Variants in DISP3 observed in about 807,000 individuals in gnomAD.
DISP3 encodes the protein dispatched RND transporter family member 3, also known as protein dispatched homolog 3.
Under a neutral mutation model 135.3 loss-of-function variants are expected in DISP3, and 101 were observed. That is an observed-to-expected ratio of 0.75 (90% CI 0.64 to 0.88). DISP3 has a LOEUF of 0.88. Ranked by LOEUF, DISP3 falls within the 40% of genes least tolerant of loss-of-function variation. The pLI is 0.00. For missense variants in DISP3, 1,713 were observed against 1,878.6 expected, an observed-to-expected ratio of 0.91 and a Z score of 1.63; for synonymous variants, 856 against 817.0, an observed-to-expected ratio of 1.05 and a Z score of -0.81.
At position 11,517,480 on chromosome 1, in the gene DISP3, C is replaced by T. The variant is rs1454216714; in HGVS notation, c.1767C>T (p.Asp589=). The stretch of plus-strand genomic sequence containing the variant: ...ATCACCAGATCCCAGCCGTCCACGA[C>T]TTTGGCCTGTTCATGTCTCTCATCG... ...NVFSQIPAVH[D]FGLFMSLIVS... is the part of the protein sequence containing the mutation. Residue 589 remains aspartate, a synonymous_variant, in exon 7 of 21, where the codon GAC becomes GAT. Coordinates refer to ENST00000294484, the MANE Select transcript of DISP3 (RefSeq NM_020780.2). 2 of 1,614,238 alleles carry T rather than the reference C, an allele frequency of 1.2e-6. No homozygotes were observed. Among genetic ancestry groups the T allele is most frequent in the South Asian group, 2.2e-5 (2 of 91,078 alleles).
intron 4 of DISP3, 100 bp downstream of exon 4, chr1:11,514,626 G>C (rs929881601): frequency 3.5e-6 from 5 of 1,415,710 alleles, no homozygotes; most frequent in Non-Finnish European, 3.9e-6. Context: ...CTTGAGCCCA[G>C]CATGTCAGAG....
intron 1 of DISP3, among the ~76,000 whole-genome samples, chr1:11,488,060 G>T (rs1226174469): frequency 2.6e-5 from 4 of 152,170 alleles, no homozygotes; most frequent in Non-Finnish European, 4.4e-5. Context: ...CAGGGTGGGG[G>T]TGTGAGGGAA....
chr1:11,527,686 T>C (rs2100504772), intron 13 of DISP3, among the ~76,000 whole-genome samples: 1 of 152,252 alleles, frequency 6.6e-6, no homozygotes, highest in Non-Finnish European at 1.5e-5. Flanking sequence ...TGATAGCTCC[T>C]CAGGGGTTGC....
chr1:11,505,042 C>T (rs1007031358), intron 3 of DISP3, among the ~76,000 whole-genome samples: 4 of 152,202 alleles, frequency 2.6e-5, no homozygotes, highest in African/African-American at 7.2e-5. Flanking sequence ...ACAGTTTTAT[C>T]ACAGTGCTTC....
chr1:11,520,358 A>G lies in DISP3; in HGVS notation c.2201-329A>G, dbSNP rs113341030. ...TGCTATTATCATTGTCATCTTCGAC[A>G]CTATTTCAGAGTTGTGTGAGATCAA... On this transcript the variant is annotated intron_variant, in intron 9 of 20. Coordinates refer to ENST00000294484, the MANE Select transcript of DISP3 (RefSeq NM_020780.2). The surrounding 1 kb of genome is among the most constrained non-coding windows in gnomAD (Gnocchi z 4.8). 4.6e-4 allele frequency among the ~76,000 whole-genome samples: 70 copies of G among 152,310 alleles called. No homozygotes were observed. Among genetic ancestry groups the G allele is most frequent in the African/African-American group, 1.6e-3 (66 of 41,556 alleles).
intron 1 of DISP3, among the ~76,000 whole-genome samples, chr1:11,497,780 C>T (rs1385449196): frequency 1.3e-5 from 2 of 152,182 alleles, no homozygotes; most frequent in Admixed American, 1.3e-4. Flanking sequence ...TTCTGAGTTA[C>T]TTCACTCAGA....
At chr1:11,530,022 C>T in intron 15 of DISP3, 63 bp downstream of exon 15, 3 of 1,575,342 alleles carry the variant, frequency 1.9e-6, no homozygotes, top group South Asian at 2.3e-5. Flanking sequence ...CAAATAAGCA[C>T]CTGTCCAGGG....
intron 1 of DISP3, among the ~76,000 whole-genome samples, chr1:11,495,639 T>C (rs1641311054): frequency 6.6e-6 from 1 of 152,184 alleles, no homozygotes; most frequent in African/African-American, 2.4e-5. Flanking sequence ...AATGAAGGCA[T>C]TGGACAAGGT....
At chr1:11,515,696 G>T (rs2745263) in intron 5 of DISP3, among the ~76,000 whole-genome samples, 193 bp downstream of exon 5, 9 of 152,184 alleles carry the variant, frequency 5.9e-5, no homozygotes, top group African/African-American at 2.2e-4. Flanking sequence ...GGAGAGAGCA[G>T]GAAGGTTTGC....
In DISP3 at chr1:11,519,558, C is replaced by T; in HGVS notation, c.2038+55C>T. The stretch of plus-strand genomic sequence containing the variant: ...ACCCCAGTGAGACCCAGCGCTGCCT[C>T]TGCCAGGGGAGTAACACTTGACAAG... On this transcript the variant is annotated intron_variant, in intron 8 of 20. Transcript: ENST00000294484. The surrounding 1 kb of genome is among the most constrained non-coding windows in gnomAD (Gnocchi z 4.3). 2.5e-6 allele frequency: 4 copies of T among 1,597,074 alleles called. No homozygotes were observed. In the South Asian group the frequency reaches 3.3e-5, roughly 13 times the overall value.
rs1400812821 is a variant in DISP3, at chr1:11,536,683, A to G, written c.4176A>G (p.Leu1392=). The G allele has an allele frequency of 2.6e-6, 4 of 1,561,996 alleles. No homozygotes were observed. Among genetic ancestry groups the G allele is most frequent in the East Asian group, 2.4e-5 (1 of 42,032 alleles). The change falls in exon 21 of 21, where the codon CTA becomes CTG. Residue 1392 remains leucine (L), a synonymous_variant. Transcript: ENST00000294484. This position sits in a 1 kb window ranked among gnomAD's most constrained non-coding sequence, Gnocchi z 4.3. The part of the protein sequence containing the change: ...YKIPLPAGAS[L] Reference sequence around the variant, plus strand: ...TTCCCCTGCCCGCAGGGGCCTCCCTATAGCCCGGGACGGGCTCTGGACACT... The same window carrying G: ...TTCCCCTGCCCGCAGGGGCCTCCCTGTAGCCCGGGACGGGCTCTGGACACT...
rs868637179 is a variant in DISP3 at position 11,530,911 on chromosome 1, G to A, written c.3107G>A (p.Ser1036Asn). The change falls in exon 16 of 21, where the codon AGT (serine) becomes AAT (asparagine). Residue 1036 changes from serine to asparagine, a missense_variant. Physicochemically the swap from Ser to Asn is conservative, Grantham distance 46 (BLOSUM62 1). Coordinates refer to ENST00000294484, the MANE Select transcript of DISP3 (RefSeq NM_020780.2). ...VDNHVIGDPG[S>N]VVYDSSFDLF... ...GCTTGTTTCTCCTTGGGAAAGGGTA[G>A]TGTTGTCTACGACAGCAGCTTTGAC... The A allele has an allele frequency of 4.3e-6, 7 of 1,613,768 alleles. No homozygotes were observed. Among genetic ancestry groups the A allele is most frequent in the Admixed American group, 3.3e-5 (2 of 60,002 alleles).
chr1:11,536,326 C>T lies in DISP3; in HGVS notation c.3819C>T (p.Asp1273=), dbSNP rs777818834. 49 of 1,596,862 alleles carry T rather than the reference C, an allele frequency of 3.1e-5. No individual in the cohort carries two copies. The Middle Eastern group carries it at 5.1e-4, about 17-fold the overall frequency. Residue 1273 remains aspartate, a splice_region_variant and synonymous_variant, in exon 21 of 21, where the codon GAC becomes GAT. Transcript: ENST00000294484. This position sits in a 1 kb window ranked among gnomAD's most constrained non-coding sequence, Gnocchi z 4.3. ...GENLPPHQAE[D]ARTQRQWRTL... ...CCCAGCTCTCCTCTTGCCCCCAGGACGCCCGAACGCAGCGCCAGTGGCGTA... is the reference window on the plus strand; with the variant it reads ...CCCAGCTCTCCTCTTGCCCCCAGGATGCCCGAACGCAGCGCCAGTGGCGTA...
In DISP3 at chr1:11,531,313, TA is replaced by T. The variant is rs907918318; in HGVS notation, c.3230-251del. Among the ~76,000 whole-genome samples, 3 of 151,998 alleles carry T rather than the reference TA, an allele frequency of 2.0e-5. No individual in the cohort carries two copies. Among genetic ancestry groups the T allele is most frequent in the African/African-American group, 7.3e-5 (3 of 41,366 alleles). On this transcript the variant is annotated intron_variant, in intron 16 of 20. Coordinates refer to ENST00000294484, the MANE Select transcript of DISP3 (RefSeq NM_020780.2). The surrounding 1 kb of genome is among the most constrained non-coding windows in gnomAD (Gnocchi z 5.2). ...TCTGCGGGAGTAGCTTTTCCAAAAT[TA>T]GGGGGCGGGGCCAGGGGCTGGCCCC...
At chr1:11,525,002 C>T (rs1642371276) in intron 11 of DISP3, among the ~76,000 whole-genome samples, 174 bp from the exon 12 acceptor site, 1 of 151,572 alleles carries the variant, frequency 6.6e-6, no homozygotes, top group Admixed American at 6.6e-5. Context: ...ACCTCCCCCA[C>T]TATTATTGCC....
In DISP3 at chr1:11,501,418, C is replaced by A. The variant is rs763369687; in HGVS notation, c.426C>A (p.Asp142Glu). The change falls in exon 2 of 21, where the codon GAC becomes GAA. Residue 142 changes from aspartate to glutamate, a missense_variant. Asp to Glu is a conservative substitution (Grantham distance 45). This residue lies in a region of DISP3 where 571 missense variants were observed against 494.1 expected (regional missense o/e 1.16). Coordinates refer to ENST00000294484, the MANE Select transcript of DISP3 (RefSeq NM_020780.2). This position sits in a 1 kb window ranked among gnomAD's most constrained non-coding sequence, Gnocchi z 4.9. ...SWGRNRRDLA[D>E]FTSETLQRLI... ...GGCGGAACCGGCGCGATTTGGCCGA[C>A]TTCACCTCCGAGACGCTTCAGCGCC... is the stretch of plus-strand genomic sequence containing the variant. The A allele has an allele frequency of 6.3e-7, 1 of 1,595,396 alleles. No homozygotes were observed. Among genetic ancestry groups the A allele is most frequent in the Non-Finnish European group, 8.5e-7 (1 of 1,171,440 alleles).
intron 3 of DISP3, among the ~76,000 whole-genome samples, chr1:11,503,517 A>G (rs1257593848): frequency 6.6e-6 from 1 of 152,184 alleles, no homozygotes; most frequent in African/African-American, 2.4e-5. Flanking sequence ...TCCGAAGGCC[A>G]GAGAGCGTAG....
chr1:11,506,522 G>A (rs1286485443), intron 3 of DISP3, among the ~76,000 whole-genome samples: 1 of 151,606 alleles, frequency 6.6e-6, no homozygotes, highest in Non-Finnish European at 1.5e-5. Context: ...GCCATTTAAT[G>A]TCTATTGAGG....
At chr1:11,510,872 T>C (rs1304608086) in intron 3 of DISP3, among the ~76,000 whole-genome samples, 1 of 152,172 alleles carries the variant, frequency 6.6e-6, no homozygotes, top group Non-Finnish European at 1.5e-5. Flanking sequence ...AGAGATTTAA[T>C]TGGACTTTCA....
Sources: gnomAD v4.1 joint callset for allele counts (sites outside exome capture counted in the v4.1 genomes callset) on GRCh38, gnomAD v4.1.1 for gene constraint, gnomAD v4.1.1 regional missense constraint, Gnocchi (gnomAD v3.1) non-coding constraint, MANE v1.5 for transcripts, NCBI Gene and HGNC (gene_info 2026-07-23, HGNC 2026-07-21) for gene names.